Variants in ARHGAP6 observed in about 807,000 individuals in gnomAD.
ARHGAP6 encodes the protein Rho GTPase activating protein 6.
Under a neutral mutation model 55.7 loss-of-function variants are expected in ARHGAP6, and 16 were observed. That is an observed-to-expected ratio of 0.29 (90% confidence interval 0.19 to 0.44). ARHGAP6 has a LOEUF of 0.44. Ranked by LOEUF, ARHGAP6 falls within the 20% of genes least tolerant of loss-of-function variation. The probability of loss-of-function intolerance (pLI) is 1.00; values close to 1 mark genes in which losing one functional copy is unlikely to be tolerated. For synonymous variants in ARHGAP6, 382 were observed against 360.9 expected (o/e 1.06, Z -0.66); for missense variants, 698 against 808.9 (o/e 0.86, Z 1.66).
chrX:11,516,484 T>C (rs2050842012), intron 1 of ARHGAP6, among the ~76,000 whole-genome samples: 1 of 112,261 alleles, frequency 8.9e-6, no homozygotes, highest in South Asian at 3.6e-4. Flanking sequence ...TAAAAATATA[T>C]TTTCAATATC....
At chrX:11,557,618 C>T (rs1246428459) in intron 1 of ARHGAP6, among the ~76,000 whole-genome samples, 2 of 111,803 alleles carry the variant, frequency 1.8e-5, no homozygotes, top group African/African-American at 6.5e-5. Context: ...AAGAAACTGC[C>T]TTTTGCAAAG....
intron 1 of ARHGAP6, chrX:11,427,510 G>A (rs1416319640): frequency 2.1e-6 from 2 of 937,979 alleles, no homozygotes; most frequent in Non-Finnish European, 2.7e-6. Context: ...CGGCCCAGTG[G>A]CGCCCCCTGT....
intron 1 of ARHGAP6, among the ~76,000 whole-genome samples, chrX:11,392,543 G>T (rs1429688300): frequency 3.6e-5 from 4 of 111,807 alleles, no homozygotes; most frequent in African/African-American, 1.3e-4. Flanking sequence ...GAAAAATAAT[G>T]ACCTTATTAA....
intron 8 of ARHGAP6, 21 bp downstream of exon 8, chrX:11,178,079 A>G: frequency 2.5e-6 from 3 of 1,210,881 alleles, no homozygotes; most frequent in East Asian, 3.0e-5. Context: ...CACGGCATCT[A>G]TGGCAGCAAA....
At chrX:11,373,726 G>A (rs1215816740) in intron 1 of ARHGAP6, among the ~76,000 whole-genome samples, 1 of 111,895 alleles carries the variant, frequency 8.9e-6, no homozygotes, top group Non-Finnish European at 1.9e-5. Context: ...TAGGCAGGGT[G>A]GGCATAGGTG....
chrX:11,462,870 G>A (rs762190139), intron 1 of ARHGAP6, among the ~76,000 whole-genome samples: 3 of 112,607 alleles, frequency 2.7e-5, no homozygotes, highest in South Asian at 7.3e-4. Flanking sequence ...TGTCACAGGC[G>A]TTTCCACTAA....
At chrX:11,548,249 G>A (rs753047920) in intron 1 of ARHGAP6, among the ~76,000 whole-genome samples, 9 of 111,880 alleles carry the variant, frequency 8.0e-5, no homozygotes, top group South Asian at 3.7e-4. Context: ...AACATTTATC[G>A]TTTGTGTTGT....
intron 1 of ARHGAP6, among the ~76,000 whole-genome samples, chrX:11,496,668 T>C (rs193067244): frequency 8.9e-6 from 1 of 112,502 alleles, no homozygotes; most frequent in Admixed American, 9.5e-5. Context: ...AATCAAAGCA[T>C]GGAGTTGGAC....
chrX:11,387,695 C>A (rs1443950428), intron 1 of ARHGAP6, among the ~76,000 whole-genome samples: 3 of 110,951 alleles, frequency 2.7e-5, no homozygotes, highest in African/African-American at 9.8e-5. Flanking sequence ...TAATGCTATC[C>A]CTCCCCGCTT....
At chrX:11,348,924 C>T (rs978309165) in intron 1 of ARHGAP6, among the ~76,000 whole-genome samples, 4 of 111,569 alleles carry the variant, frequency 3.6e-5, no homozygotes, top group Non-Finnish European at 5.6e-5. Context: ...TTCAATATTT[C>T]TGAGATTCAA....
chrX:11,330,096 T>C (rs2048544231), intron 1 of ARHGAP6, among the ~76,000 whole-genome samples: 1 of 113,107 alleles, frequency 8.8e-6, no homozygotes, highest in Non-Finnish European at 1.9e-5. Flanking sequence ...TAGCACTGAC[T>C]ACATCCCAGC....
chrX:11,441,481 A>T (rs2050038640), intron 1 of ARHGAP6, among the ~76,000 whole-genome samples: 2 of 111,756 alleles, frequency 1.8e-5, no homozygotes, highest in Admixed American at 1.9e-4. Flanking sequence ...CAAAGTGAGA[A>T]GCCCAACTAG....
intron 1 of ARHGAP6, among the ~76,000 whole-genome samples, chrX:11,532,225 G>A (rs1310446841): frequency 3.6e-5 from 4 of 112,319 alleles, no homozygotes; most frequent in African/African-American, 6.5e-5. Flanking sequence ...CATACGTACC[G>A]AGTTTAAAGA....
chrX:11,272,253 C>T (rs2047701483), intron 1 of ARHGAP6, among the ~76,000 whole-genome samples: 1 of 111,525 alleles, frequency 9.0e-6, no homozygotes, highest in African/African-American at 3.3e-5. Flanking sequence ...TTGGACAGCA[C>T]AGGTATAGAC....
chrX:11,278,137 G>A (rs927602669), intron 1 of ARHGAP6, among the ~76,000 whole-genome samples: 6 of 111,619 alleles, frequency 5.4e-5, no homozygotes, highest in Non-Finnish European at 7.5e-5. Context: ...GAAGCCACTA[G>A]GATAGGTAGT....
intron 1 of ARHGAP6, among the ~76,000 whole-genome samples, chrX:11,602,308 A>G (rs1288011257): frequency 8.9e-6 from 1 of 112,538 alleles, no homozygotes; most frequent in Non-Finnish European, 1.9e-5. Flanking sequence ...GTTGCAAGCA[A>G]CAGAAATCTA....
intron 1 of ARHGAP6, among the ~76,000 whole-genome samples, chrX:11,620,532 C>G (rs1449872577): frequency 8.9e-6 from 1 of 112,583 alleles, no homozygotes; most frequent in Non-Finnish European, 1.9e-5. Flanking sequence ...AGAGAAATCT[C>G]TTTCCAATGG....
chrX:11,519,367 G>A (rs2050886975), intron 1 of ARHGAP6, among the ~76,000 whole-genome samples: 1 of 109,996 alleles, frequency 9.1e-6, no homozygotes, highest in Non-Finnish European at 1.9e-5. Flanking sequence ...GTTTTGATTT[G>A]CATTTCTCTG....
intron 10 of ARHGAP6, among the ~76,000 whole-genome samples, chrX:11,154,617 C>G (rs183118646): frequency 8.9e-6 from 1 of 111,908 alleles, no homozygotes; most frequent in East Asian, 2.8e-4. Flanking sequence ...CCACACAGTA[C>G]CAACCATATG....
Sources: allele counts gnomAD v4.1 joint callset (sites outside exome capture counted in the v4.1 genomes callset), GRCh38; gene constraint gnomAD v4.1.1; transcripts MANE v1.5; gene names NCBI Gene and HGNC (gene_info 2026-07-23, HGNC 2026-07-21).